Variants in CSMD1 observed in about 807,000 individuals in gnomAD.
CSMD1 encodes CUB and Sushi multiple domains 1.
In CSMD1, 213 loss-of-function variants were observed where a neutral mutation model predicts 417.5. The ratio of observed to expected loss-of-function variants is 0.51; its 90% confidence interval spans 0.46 to 0.57. The LOEUF (loss-of-function observed/expected upper bound fraction) is 0.57, where lower values mean the gene tolerates loss of function less well. Ranked by LOEUF, CSMD1 falls within the 20% of genes least tolerant of loss-of-function variation. The pLI is 0.00. For synonymous variants in CSMD1, 2,862 were observed against 1,736.8 expected, an observed-to-expected ratio of 1.65 and a Z score of -16.11; for missense variants, 6,923 against 4,529.7, an observed-to-expected ratio of 1.53 and a Z score of -15.17.
At chr8:3,989,582 G>T (rs780326337) in intron 5 of CSMD1, among the ~76,000 whole-genome samples, 1 of 152,162 alleles carries the variant, frequency 6.6e-6, no homozygotes, top group Non-Finnish European at 1.5e-5. Context: ...GAAAGGGATT[G>T]CATTAAGAGA....
At chr8:4,415,727 G>A (rs755580536) in intron 3 of CSMD1, among the ~76,000 whole-genome samples, 3 of 152,192 alleles carry the variant, frequency 2.0e-5, no homozygotes, top group African/African-American at 7.2e-5. Context: ...AAATGAATGA[G>A]CAAATCTGTG....
In CSMD1 at chr8:4,625,242, G is replaced by C. The variant is rs369239887; in HGVS notation, c.302+12100C>G. On this transcript the variant is annotated intron_variant, in intron 2 of 69. Transcript: ENST00000635120. ...CTCACCTTCCACTGTTTAAGCACAA[G>C]TCACCTGCTTGGAACGCCAGTTAAT... Among the ~76,000 whole-genome samples, 165 of 152,134 alleles carry C rather than the reference G, an allele frequency of 1.1e-3. 3 individuals carry two copies. In the South Asian group the frequency reaches 0.031, roughly 29 times the overall value.
chr8:2,990,742 C>T (rs1806312105), intron 54 of CSMD1, among the ~76,000 whole-genome samples: 1 of 152,178 alleles, frequency 6.6e-6, no homozygotes, highest in African/African-American at 2.4e-5. Context: ...AAGATGCTCT[C>T]TACCCTGGAA....
chr8:4,942,125 C>T (rs992462690), intron 1 of CSMD1, among the ~76,000 whole-genome samples: 7 of 152,140 alleles, frequency 4.6e-5, no homozygotes, highest in African/African-American at 9.7e-5. Flanking sequence ...TATTCTCTTC[C>T]AATCAAAGTA....
intron 3 of CSMD1, among the ~76,000 whole-genome samples, chr8:4,310,301 G>C (rs1051353388): frequency 2.6e-5 from 4 of 152,144 alleles, no homozygotes; most frequent in African/African-American, 9.7e-5. Context: ...AAATTCTTAT[G>C]GGTGGGTGTG....
intron 49 of CSMD1, 72 bp downstream of exon 49, chr8:3,087,025 T>A (rs1814578583): frequency 1.5e-6 from 2 of 1,338,024 alleles, no homozygotes; most frequent in Non-Finnish European, 2.1e-6. Context: ...GTGCTTCATT[T>A]ATTTTCAGAG....
intron 5 of CSMD1, among the ~76,000 whole-genome samples, chr8:3,837,341 C>A (rs578178894): frequency 6.6e-6 from 1 of 152,166 alleles, no homozygotes; most frequent in South Asian, 2.1e-4. Flanking sequence ...TACATCAGAG[C>A]CCCAGGCTGG....
intron 3 of CSMD1, among the ~76,000 whole-genome samples, chr8:4,079,437 C>G (rs966053355): frequency 6.6e-6 from 1 of 152,166 alleles, no homozygotes; most frequent in Non-Finnish European, 1.5e-5. Flanking sequence ...ATATAGAACA[C>G]CATCAGGCAG....
intron 3 of CSMD1, among the ~76,000 whole-genome samples, chr8:4,340,961 G>A (rs1018764055): frequency 1.3e-5 from 2 of 152,010 alleles, no homozygotes; most frequent in African/African-American, 2.4e-5. Flanking sequence ...TACTCTGCGG[G>A]TTTATTTCAA....
intron 3 of CSMD1, among the ~76,000 whole-genome samples, chr8:4,404,045 T>A (rs1389297879): frequency 6.6e-6 from 1 of 152,146 alleles, no homozygotes; most frequent in African/African-American, 2.4e-5. Flanking sequence ...CATCCAGACT[T>A]ATCCAAAAAC....
intron 7 of CSMD1, among the ~76,000 whole-genome samples, chr8:3,650,671 T>C (rs1400494335): frequency 6.6e-6 from 1 of 152,208 alleles, no homozygotes; most frequent in African/African-American, 2.4e-5. Flanking sequence ...ATGAGAACTG[T>C]TCGAAGTGGT....
chr8:3,143,546 T>A (rs564268250), intron 40 of CSMD1, among the ~76,000 whole-genome samples: 1 of 152,294 alleles, frequency 6.6e-6, no homozygotes, highest in South Asian at 2.1e-4. Context: ...TTTGAAAACT[T>A]ATTTGACTAC....
intron 3 of CSMD1, among the ~76,000 whole-genome samples, chr8:4,044,174 C>A (rs1798032580): frequency 6.6e-6 from 1 of 152,134 alleles, no homozygotes; most frequent in African/African-American, 2.4e-5. Context: ...GGGGTGGACT[C>A]ATTCATTCTA....
Position 3,494,554 on chromosome 8 carries a change from TGATAGATAGATAGATAGATAGATA to T in CSMD1, c.1345-852_1345-829del, listed in dbSNP as rs71199579. 3.6e-4 allele frequency among the ~76,000 whole-genome samples: 53 copies of T among 145,736 alleles called. 1 individual carries two copies. The highest frequency in any genetic ancestry group is 1.3e-3 in the Admixed American group (19 of 14,486). On this transcript the variant is annotated intron_variant, in intron 10 of 69. Transcript: ENST00000635120. ...GATTAGCAGATACAGACAGATTAGA[TGATAGATAGATAGATAGATAGATA>T]GATAGATAGATAGATAGATAGATAG... is the stretch of plus-strand genomic sequence containing the variant.
At chr8:4,352,782 G>GA (rs1222640474) in intron 3 of CSMD1, among the ~76,000 whole-genome samples, 4 of 152,084 alleles carry the variant, frequency 2.6e-5, no homozygotes, top group Non-Finnish European at 5.9e-5. Flanking sequence ...TCTACTGTTG[G>GA]AATGTGGACA....
intron 3 of CSMD1, among the ~76,000 whole-genome samples, chr8:4,362,649 T>C (rs544961130): frequency 6.6e-6 from 1 of 152,160 alleles, no homozygotes; most frequent in Non-Finnish European, 1.5e-5. Flanking sequence ...TCTACTGGCC[T>C]CAAGAAGGAA....
intron 3 of CSMD1, among the ~76,000 whole-genome samples, chr8:4,147,990 G>C (rs17069133): frequency 0.033 from 4,948 of 152,160 alleles, 188 homozygotes; most frequent in African/African-American, 0.094. Flanking sequence ...TAGAGGTTAG[G>C]TCTTAAAACC....
intron 10 of CSMD1, among the ~76,000 whole-genome samples, chr8:3,533,713 A>G (rs1046337972): frequency 3.3e-5 from 5 of 152,202 alleles, no homozygotes; most frequent in African/African-American, 1.2e-4. Context: ...ACCGTGATGT[A>G]TCATCCTGGA....
intron 3 of CSMD1, among the ~76,000 whole-genome samples, chr8:4,347,550 A>C (rs1267375990): frequency 2.0e-5 from 3 of 152,192 alleles, no homozygotes; most frequent in Non-Finnish European, 4.4e-5. Flanking sequence ...CTCAACAGAA[A>C]TACTTCCCTG....
Sources: gnomAD v4.1 joint callset for allele counts (sites outside exome capture counted in the v4.1 genomes callset) on GRCh38, gnomAD v4.1.1 for gene constraint, MANE v1.5 for transcripts, NCBI Gene and HGNC (gene_info 2026-07-23, HGNC 2026-07-21) for gene names.